The following DENND1A variants were observed in gnomAD, a reference collection of about 807,000 sequenced individuals.
DENND1A encodes the protein DENN domain containing 1A.
Under a neutral mutation model 113.7 loss-of-function variants are expected in DENND1A, and 51 were observed. That is an observed-to-expected ratio of 0.45 (90% CI 0.36 to 0.57). DENND1A has a LOEUF of 0.57. DENND1A is among the 20% of genes least tolerant of loss of function. DENND1A has a pLI of 0.00. For synonymous variants in DENND1A, 565 were observed against 570.8 expected, an observed-to-expected ratio of 0.99 and a Z score of 0.14; for missense variants, 1,258 against 1,395.9, an observed-to-expected ratio of 0.90 and a Z score of 1.57.
At chr9:123,794,313 G>A (rs1833458903) in intron 2 of DENND1A, among the ~76,000 whole-genome samples, 1 of 152,200 alleles carries the variant, frequency 6.6e-6, no homozygotes, top group South Asian at 2.1e-4. Context: ...AAAAAGAGCA[G>A]TGGCTATAAT....
At chr9:123,433,755 T>C (rs781353264) in intron 19 of DENND1A, among the ~76,000 whole-genome samples, 3 of 152,232 alleles carry the variant, frequency 2.0e-5, no homozygotes, top group Non-Finnish European at 2.9e-5. Flanking sequence ...ATAAAACCTT[T>C]ACGCCTAATT....
At chr9:123,678,574 A>G (rs1047225724) in intron 5 of DENND1A, among the ~76,000 whole-genome samples, 4 of 152,228 alleles carry the variant, frequency 2.6e-5, no homozygotes, top group African/African-American at 9.6e-5. Flanking sequence ...CACCCTGTAC[A>G]GATTACCGGC....
intron 11 of DENND1A, among the ~76,000 whole-genome samples, chr9:123,606,719 A>C (rs1564805930): frequency 6.6e-6 from 1 of 152,248 alleles, no homozygotes; most frequent in African/African-American, 2.4e-5. Flanking sequence ...CTTTTCACAA[A>C]GCATTTGCTC....
chr9:123,696,855 G>C (rs1197758480), intron 5 of DENND1A, among the ~76,000 whole-genome samples: 1 of 152,118 alleles, frequency 6.6e-6, no homozygotes, highest in Non-Finnish European at 1.5e-5. Context: ...GTCCTCTCCA[G>C]CTTAGTTGGA....
chr9:123,833,412 T>G (rs1261925745), intron 2 of DENND1A, among the ~76,000 whole-genome samples: 3 of 152,172 alleles, frequency 2.0e-5, no homozygotes, highest in African/African-American at 7.2e-5. Context: ...AATTTTACAC[T>G]TTTTGGCAGA....
intron 5 of DENND1A, among the ~76,000 whole-genome samples, chr9:123,717,415 G>C (rs1245639242): frequency 6.6e-6 from 1 of 152,178 alleles, no homozygotes; most frequent in Non-Finnish European, 1.5e-5. Context: ...CCACTTTACA[G>C]ATAAGGAAAG....
At chr9:123,388,000 G>A (rs2042657512) in intron 21 of DENND1A, 142 bp from the exon 22 acceptor site, 1 of 820,526 alleles carries the variant, frequency 1.2e-6, no homozygotes, top group Admixed American at 3.6e-5. Context: ...GCTCTCAGGA[G>A]AGGAAGCTCG....
chr9:123,748,347 T>G (rs370811867), intron 5 of DENND1A, among the ~76,000 whole-genome samples: 18 of 152,352 alleles, frequency 1.2e-4, no homozygotes, highest in African/African-American at 4.3e-4. Flanking sequence ...AGAAAGTGTA[T>G]CTTTATAATC....
At chr9:123,519,182 C>T (rs1018548755) in intron 13 of DENND1A, among the ~76,000 whole-genome samples, 1 of 152,214 alleles carries the variant, frequency 6.6e-6, no homozygotes, top group Non-Finnish European at 1.5e-5. Flanking sequence ...CTGCTCACCT[C>T]CTGTACAGCG....
At chr9:123,460,675 C>A (rs529254925) in intron 13 of DENND1A, among the ~76,000 whole-genome samples, 1 of 152,240 alleles carries the variant, frequency 6.6e-6, no homozygotes, top group African/African-American at 2.4e-5. Flanking sequence ...TCTCCATCTA[C>A]GCCTACCTTG....
intron 2 of DENND1A, among the ~76,000 whole-genome samples, chr9:123,824,847 T>C (rs867937069): frequency 2.0e-5 from 3 of 152,334 alleles, no homozygotes; most frequent in African/African-American, 4.8e-5. Flanking sequence ...CATTATGTGG[T>C]ACCAAACAAT....
At position 123,381,341 on chromosome 9, in the gene DENND1A, T is replaced by A. The variant is rs957332603; in HGVS notation, c.*91A>T. 20 of 1,317,630 alleles carry A rather than the reference T, an allele frequency of 1.5e-5. No homozygotes were observed. The African/African-American group carries it at 2.9e-4, about 19-fold the overall frequency. The allele number at this position is 1,317,630 out of a possible 1,614,324, so 81.6% of individuals were successfully genotyped here. ...CCCATCCCTTCCCACCAGCAGAACC[T>A]GGGCAGAGAGAGAGTGGCGGGGGAG... is the stretch of plus-strand genomic sequence containing the variant. On this transcript the variant is annotated 3_prime_UTR_variant, in exon 24 of 24. Coordinates refer to ENST00000394215, the MANE Select transcript of DENND1A (RefSeq NM_001352964.2). This position sits in a 1 kb window ranked among gnomAD's most constrained non-coding sequence, Gnocchi z 4.7.
At chr9:123,447,800 AAAAC>A (rs2047415138) in intron 18 of DENND1A, among the ~76,000 whole-genome samples, 1 of 152,014 alleles carries the variant, frequency 6.6e-6, no homozygotes, top group Non-Finnish European at 1.5e-5. Flanking sequence ...CAAAAAAAAA[AAAAC>A]CAAGGAAATA....
chr9:123,468,430 G>A (rs1012200546), intron 13 of DENND1A, among the ~76,000 whole-genome samples: 6 of 152,188 alleles, frequency 3.9e-5, no homozygotes, highest in African/African-American at 1.4e-4. Flanking sequence ...ACAGGTGAAA[G>A]TGACCAGCAC....
At chr9:123,419,505 TGAG>T (rs905423737) in intron 19 of DENND1A, among the ~76,000 whole-genome samples, 4 of 152,364 alleles carry the variant, frequency 2.6e-5, no homozygotes, top group Admixed American at 6.5e-5. Context: ...CGCTGTTTAA[TGAG>T]GAGAGTGTTC....
At chr9:123,440,738 T>G (rs1271437007) in intron 18 of DENND1A, among the ~76,000 whole-genome samples, 1 of 152,270 alleles carries the variant, frequency 6.6e-6, no homozygotes, top group Non-Finnish European at 1.5e-5. Context: ...AAAACAATTA[T>G]TATTGTTCAT....
intron 13 of DENND1A, among the ~76,000 whole-genome samples, chr9:123,483,811 C>T (rs565894206): frequency 3.3e-5 from 5 of 152,308 alleles, no homozygotes; most frequent in Non-Finnish European, 5.9e-5. Context: ...AGAGTTGCTG[C>T]GAGGCACAGA....
chr9:123,448,605 A>C (rs1032670918), intron 18 of DENND1A, among the ~76,000 whole-genome samples: 1 of 152,226 alleles, frequency 6.6e-6, no homozygotes, highest in Non-Finnish European at 1.5e-5. Context: ...ATGGGAGATA[A>C]AAAGGTATAT....
intron 1 of DENND1A, among the ~76,000 whole-genome samples, chr9:123,929,389 G>A (rs915781876): frequency 6.6e-6 from 1 of 152,088 alleles, no homozygotes; most frequent in Non-Finnish European, 1.5e-5. Context: ...CTTCCTCCCC[G>A]GCCATCCACA....
Sources: allele counts gnomAD v4.1 joint callset (sites outside exome capture counted in the v4.1 genomes callset), GRCh38; gene constraint gnomAD v4.1.1; non-coding constraint Gnocchi (gnomAD v3.1); transcripts MANE v1.5; gene names NCBI Gene and HGNC (gene_info 2026-07-23, HGNC 2026-07-21).